Variants in DLC1 observed in about 807,000 individuals in gnomAD.
DLC1 encodes the protein rho GTPase-activating protein 7.
DLC1 carries 54 observed loss-of-function variants against 140.3 expected under a neutral mutation model. That is an observed-to-expected ratio of 0.38 (90% confidence interval 0.31 to 0.48). DLC1 has a LOEUF of 0.48. DLC1 is among the 20% of genes least tolerant of loss of function. The pLI, the probability that DLC1 is intolerant of heterozygous loss-of-function variation, is 0.96. For missense variants in DLC1, 2,536 were observed against 1,907.0 expected (o/e 1.33, Z -6.14); for synonymous variants, 986 against 728.1 (o/e 1.35, Z -5.70).
At chr8:13,532,718 G>A (rs1283293079) in intron 1 of DLC1, among the ~76,000 whole-genome samples, 2 of 152,164 alleles carry the variant, frequency 1.3e-5, no homozygotes, top group Admixed American at 1.3e-4. Flanking sequence ...GCCTCCCATA[G>A]TGCTGGGACT....
intron 5 of DLC1, among the ~76,000 whole-genome samples, chr8:13,217,858 A>AC (rs1360082300): frequency 2.6e-5 from 4 of 151,684 alleles, no homozygotes; most frequent in African/African-American, 9.7e-5. Flanking sequence ...CAACAACAAA[A>AC]AAAAACCAAC....
chr8:13,344,025 C>A (rs1387284718), intron 4 of DLC1, among the ~76,000 whole-genome samples: 1 of 152,032 alleles, frequency 6.6e-6, no homozygotes, highest in Non-Finnish European at 1.5e-5. Flanking sequence ...TTCTCAGAAT[C>A]TTGGGATTTC....
chr8:13,460,862 G>A (rs901015154), intron 2 of DLC1, among the ~76,000 whole-genome samples: 2 of 152,190 alleles, frequency 1.3e-5, no homozygotes, highest in Non-Finnish European at 2.9e-5. Context: ...TTCCTCTATG[G>A]AGTTACAGTG....
chr8:13,275,561 C>T (rs1223001299), intron 5 of DLC1, among the ~76,000 whole-genome samples: 2 of 152,332 alleles, frequency 1.3e-5, no homozygotes, highest in South Asian at 2.1e-4. Flanking sequence ...TAGTGAGATG[C>T]TATTTTATCC....
At chr8:13,143,007 C>T (rs923570539) in intron 5 of DLC1, among the ~76,000 whole-genome samples, 12 of 148,832 alleles carry the variant, frequency 8.1e-5, no homozygotes, top group Admixed American at 3.4e-4. Flanking sequence ...TGTGCCGTTG[C>T]GCTCCAGCCT....
At chr8:13,506,604 TATATAC>T (rs1272667632) in intron 1 of DLC1, among the ~76,000 whole-genome samples, 9 of 115,360 alleles carry the variant, frequency 7.8e-5, no homozygotes, top group Non-Finnish European at 1.5e-4. Flanking sequence ...TATATATATA[TATATAC>T]ACATATATAT....
Position 13,528,849 on chromosome 8 carries a change from C to A in DLC1, c.-125-28653G>T, listed in dbSNP as rs566258732. Among the ~76,000 whole-genome samples the A allele has an allele frequency of 3.3e-5, 5 of 152,248 alleles. No homozygotes were observed. The East Asian group carries it at 5.8e-4, about 18-fold the overall frequency. On this transcript the variant is annotated intron_variant, in intron 1 of 1. Coordinates refer to the DLC1 transcript ENST00000631382. ...GACCCACTGAACTTGGAGATAGAATCCCCTGGGTGATGGTCTCCATAACTG... is the reference window on the plus strand; with the variant it reads ...GACCCACTGAACTTGGAGATAGAATACCCTGGGTGATGGTCTCCATAACTG...
chr8:13,294,143 G>T (rs960095202), intron 5 of DLC1, among the ~76,000 whole-genome samples: 1 of 152,116 alleles, frequency 6.6e-6, no homozygotes, highest in African/African-American at 2.4e-5. Context: ...GACCACCAAT[G>T]ATCTTTTGAC....
chr8:13,538,646 AAACACT>A (rs1803380701), intron 1 of DLC1, among the ~76,000 whole-genome samples: 1 of 152,116 alleles, frequency 6.6e-6, no homozygotes, highest in Non-Finnish European at 1.5e-5. Context: ...AATCCTCCTG[AAACACT>A]ATAGTAGGGT....
intron 3 of DLC1, among the ~76,000 whole-genome samples, chr8:13,396,362 C>T (rs1176007272): frequency 1.3e-5 from 2 of 152,100 alleles, no homozygotes; most frequent in South Asian, 2.1e-4. Context: ...CCTGGCCTTG[C>T]ATTAATTTCC....
chr8:13,138,943 G>C (rs1030809717), intron 5 of DLC1, among the ~76,000 whole-genome samples: 1 of 152,120 alleles, frequency 6.6e-6, no homozygotes, highest in African/African-American at 2.4e-5. Flanking sequence ...TTTGAATAAT[G>C]CAAGTTCAAA....
At chr8:13,237,178 T>A (rs1829319164) in intron 5 of DLC1, among the ~76,000 whole-genome samples, 1 of 132,220 alleles carries the variant, frequency 7.6e-6, no homozygotes, top group South Asian at 2.5e-4. Flanking sequence ...CTGGGGAGGA[T>A]GTGTGTATAT....
chr8:13,578,171 CT>C (rs1804913039), intron 1 of DLC1, among the ~76,000 whole-genome samples: 1 of 152,082 alleles, frequency 6.6e-6, no homozygotes, highest in Non-Finnish European at 1.5e-5. Context: ...AGCACAGCTG[CT>C]GCTCCGTACC....
At chr8:13,264,713 T>C (rs1368076601) in intron 5 of DLC1, among the ~76,000 whole-genome samples, 1 of 152,226 alleles carries the variant, frequency 6.6e-6, no homozygotes, top group Non-Finnish European at 1.5e-5. Context: ...TTAAAATATT[T>C]AGTAAAATAA....
At chr8:13,354,114 C>T (rs966160409) in intron 4 of DLC1, among the ~76,000 whole-genome samples, 5 of 151,890 alleles carry the variant, frequency 3.3e-5, no homozygotes, top group African/African-American at 9.7e-5. Context: ...TTTACCCTGC[C>T]CCATGTCTTT....
intron 1 of DLC1, chr8:13,567,142 T>A: frequency 6.4e-7 from 1 of 1,551,720 alleles, no homozygotes. Flanking sequence ...GCCCCTGACC[T>A]CTGGGAGCAA....
At chr8:13,366,483 CT>C (rs1835487595) in intron 4 of DLC1, among the ~76,000 whole-genome samples, 2 of 152,124 alleles carry the variant, frequency 1.3e-5, no homozygotes, top group Admixed American at 1.3e-4. Flanking sequence ...ATATTCTAGC[CT>C]TTGAGGATAA....
intron 5 of DLC1, among the ~76,000 whole-genome samples, chr8:13,127,966 C>A (rs1050969108): frequency 1.3e-5 from 2 of 151,448 alleles, no homozygotes; most frequent in Non-Finnish European, 2.9e-5. Flanking sequence ...GGGTAGACAC[C>A]AAAAGGCACC....
At chr8:13,249,042 C>G (rs1829888929) in intron 5 of DLC1, among the ~76,000 whole-genome samples, 1 of 152,128 alleles carries the variant, frequency 6.6e-6, no homozygotes, top group Admixed American at 6.5e-5. Context: ...TCAGTGATGC[C>G]TCTAAACTTT....
Sources: allele counts gnomAD v4.1 joint callset (sites outside exome capture counted in the v4.1 genomes callset), GRCh38; gene constraint gnomAD v4.1.1; transcripts MANE v1.5; gene names NCBI Gene and HGNC (gene_info 2026-07-23, HGNC 2026-07-21).